The following DPP6 variants were observed in gnomAD, a reference collection of about 807,000 sequenced individuals.
DPP6 encodes the protein A-type potassium channel modulatory protein DPP6.
A neutral mutation model predicts 122.6 loss-of-function variants in DPP6; 69 were observed. The observed-to-expected ratio is 0.56, with a 90% confidence interval of 0.46 to 0.69. The LOEUF (loss-of-function observed/expected upper bound fraction) is 0.69. DPP6 is among the 30% of genes least tolerant of loss of function. DPP6 has a pLI of 0.00. For missense variants in DPP6, 928 were observed against 1,116.9 expected (o/e 0.83, Z 2.41); for synonymous variants, 418 against 433.1 (o/e 0.97, Z 0.43).
intron 6 of DPP6, among the ~76,000 whole-genome samples, chr7:154,649,674 T>C (rs1404085494): frequency 1.3e-5 from 2 of 152,216 alleles, no homozygotes; most frequent in Admixed American, 1.3e-4. Context: ...TGCACCTGCC[T>C]TTCTCTACCT....
chr7:154,861,954 A>C (rs1803442245), intron 17 of DPP6, among the ~76,000 whole-genome samples: 1 of 152,114 alleles, frequency 6.6e-6, no homozygotes. Context: ...ATATGCCAAA[A>C]CATTGTGGCC....
intron 2 of DPP6, among the ~76,000 whole-genome samples, chr7:154,469,206 C>A (rs73726892): frequency 1.4e-5 from 2 of 142,206 alleles, no homozygotes; most frequent in African/African-American, 6.2e-5. Context: ...AAGTAAAACA[C>A]ACACACACAC....
At chr7:154,291,058 T>C (rs1451890818) in intron 1 of DPP6, among the ~76,000 whole-genome samples, 6 of 152,190 alleles carry the variant, frequency 3.9e-5, no homozygotes, top group Non-Finnish European at 7.3e-5. Context: ...AATACTGGGC[T>C]TCAGAACCTG....
intron 1 of DPP6, among the ~76,000 whole-genome samples, chr7:154,013,380 G>T (rs540776833): frequency 1.3e-5 from 2 of 151,748 alleles, no homozygotes; most frequent in South Asian, 4.2e-4. Flanking sequence ...TTTATGGGGA[G>T]AAGCCCAAGG....
chr7:154,430,539 T>C (rs1340281728), intron 1 of DPP6, among the ~76,000 whole-genome samples: 3 of 152,156 alleles, frequency 2.0e-5, no homozygotes, highest in Admixed American at 6.5e-5. Flanking sequence ...ATGACCTAAT[T>C]ACCTCCTGAA....
At chr7:154,401,582 A>G (rs1027142111) in intron 1 of DPP6, among the ~76,000 whole-genome samples, 1 of 152,156 alleles carries the variant, frequency 6.6e-6, no homozygotes, top group African/African-American at 2.4e-5. Context: ...CTTACACCTT[A>G]TACAAAAATC....
chr7:154,065,449 C>G (rs150366969), intron 1 of DPP6, among the ~76,000 whole-genome samples: 1,556 of 151,658 alleles, frequency 0.01, 26 homozygotes, highest in African/African-American at 0.035. Context: ...GCATTCCCCC[C>G]AGTAAGAACA....
chr7:154,490,317 CCT>C (rs2151386161), intron 3 of DPP6, among the ~76,000 whole-genome samples: 1 of 152,210 alleles, frequency 6.6e-6, no homozygotes, highest in Admixed American at 6.5e-5. Flanking sequence ...CCCCCGGCTC[CCT>C]CGTGCTCTCT....
Position 154,215,725 on chromosome 7 carries a change from GA to G in DPP6, c.243+162664del, listed in dbSNP as rs1799960698. On this transcript the variant is annotated intron_variant, in intron 1 of 25. Transcript: ENST00000377770. Reference sequence around the variant, plus strand: ...GCTTCCACCTAAGTAGGCTGGCCCAGAATCAACATGATGAGGAGATCCCCAA... The same window carrying G: ...GCTTCCACCTAAGTAGGCTGGCCCAGATCAACATGATGAGGAGATCCCCAA... Among the ~76,000 whole-genome samples the G allele has an allele frequency of 3.9e-5, 6 of 152,156 alleles. No homozygotes were observed. The South Asian group carries it at 1.2e-3, about 32-fold the overall frequency.
intron 6 of DPP6, among the ~76,000 whole-genome samples, chr7:154,664,010 A>G (rs28399817): frequency 2.5e-5 from 2 of 79,296 alleles, no homozygotes; most frequent in African/African-American, 7.1e-5. Context: ...CGTATTGGCC[A>G]TAGTGTTCAT....
Position 154,127,654 on chromosome 7 carries a change from C to CACACACACACAG in DPP6, c.243+74602_243+74603insGACACACACACA, listed in dbSNP as rs1454887223. On this transcript the variant is annotated intron_variant, in intron 1 of 25. Coordinates refer to ENST00000377770, the MANE Select transcript of DPP6 (RefSeq NM_130797.4). ...ACACAGACACACACACACACACAGA[C>CACACACACACAG]ACACACACACACACACACACACAAA... 8.6e-3 allele frequency among the ~76,000 whole-genome samples: 1,213 copies of CACACACACACAG among 140,246 alleles called. 9 individuals carry two copies. The highest frequency in any genetic ancestry group is 0.03 in the African/African-American group (1,114 of 37,066). The allele number at this position is 140,246 out of a possible 152,430, so 92.0% of individuals were successfully genotyped here.
At chr7:154,136,853 G>C (rs1197456996) in intron 1 of DPP6, among the ~76,000 whole-genome samples, 2 of 152,250 alleles carry the variant, frequency 1.3e-5, no homozygotes, top group Non-Finnish European at 2.9e-5. Flanking sequence ...AGAAATGGCT[G>C]CAAGTGCAAT....
chr7:154,843,394 GA>G (rs1426035086), intron 16 of DPP6, among the ~76,000 whole-genome samples: 1 of 152,178 alleles, frequency 6.6e-6, no homozygotes, highest in Non-Finnish European at 1.5e-5. Flanking sequence ...GAAAAAAACA[GA>G]AAAGCAATCC....
At chr7:154,415,882 T>C (rs1816974263) in intron 1 of DPP6, among the ~76,000 whole-genome samples, 2 of 151,662 alleles carry the variant, frequency 1.3e-5, no homozygotes, top group Non-Finnish European at 2.9e-5. Context: ...TTGTACTCGA[T>C]GGACTTGAAC....
chr7:154,156,692 T>C (rs1000990852), intron 1 of DPP6, among the ~76,000 whole-genome samples: 1 of 152,236 alleles, frequency 6.6e-6, no homozygotes, highest in Non-Finnish European at 1.5e-5. Flanking sequence ...CAATACCTCT[T>C]AACAAGTTGA....
the DPP6 span, among the ~76,000 whole-genome samples, chr7:153,854,326 G>A: frequency 2.6e-5 from 4 of 151,918 alleles, no homozygotes; most frequent in Admixed American, 6.6e-5. Context: ...CTTGGTGATC[G>A]CAACCTACTC....
chr7:153,787,096 T>C, the DPP6 span, among the ~76,000 whole-genome samples: 4 of 143,066 alleles, frequency 2.8e-5, no homozygotes, highest in South Asian at 2.4e-4. Context: ...GGACTACAGG[T>C]GCCCACGACC....
At chr7:154,831,528 T>G (rs1800629633) in intron 16 of DPP6, among the ~76,000 whole-genome samples, 1 of 152,264 alleles carries the variant, frequency 6.6e-6, no homozygotes, top group African/African-American at 2.4e-5. Context: ...TAATTTCTAC[T>G]GCAATTTATT....
chr7:154,390,858 G>A (rs1013266355), intron 1 of DPP6, among the ~76,000 whole-genome samples: 5 of 152,110 alleles, frequency 3.3e-5, no homozygotes, highest in Admixed American at 1.3e-4. Context: ...TGTGCCCGTT[G>A]CCATGCCATT....
Sources: gnomAD v4.1 joint callset for allele counts (sites outside exome capture counted in the v4.1 genomes callset) on GRCh38, gnomAD v4.1.1 for gene constraint, MANE v1.5 for transcripts, NCBI Gene and HGNC (gene_info 2026-07-23, HGNC 2026-07-21) for gene names.